Variants in FBXW7 observed in about 807,000 individuals in gnomAD.
FBXW7 encodes the protein F-box and WD repeat domain containing 7.
Under a neutral mutation model 86.3 loss-of-function variants are expected in FBXW7, and 11 were observed. That is an observed-to-expected ratio of 0.13 (90% confidence interval 0.08 to 0.21). The LOEUF is 0.21. Among genes scored for constraint, FBXW7 ranks in the 10% least tolerant of loss-of-function variants. The probability of loss-of-function intolerance (pLI) is 1.00; values close to 1 mark genes in which losing one functional copy is unlikely to be tolerated. For missense variants in FBXW7, 488 were observed against 847.4 expected (o/e 0.58, Z 5.27); for synonymous variants, 313 against 297.9 (o/e 1.05, Z -0.52).
At chr4:152,393,175 A>G (rs557090279) in intron 4 of FBXW7, among the ~76,000 whole-genome samples, 1 of 152,268 alleles carries the variant, frequency 6.6e-6, no homozygotes, top group South Asian at 2.1e-4. Context: ...AAGAAGGTGA[A>G]AAAAATCAAT....
chr4:152,344,517 T>C (rs574024767), intron 6 of FBXW7, among the ~76,000 whole-genome samples: 6 of 152,024 alleles, frequency 3.9e-5, no homozygotes, highest in Admixed American at 1.3e-4. Context: ...TAACATTCTT[T>C]AGCTTATTGA....
intron 2 of FBXW7, among the ~76,000 whole-genome samples, chr4:152,451,147 A>G (rs1427528983): frequency 6.6e-6 from 1 of 152,242 alleles, no homozygotes; most frequent in Admixed American, 6.5e-5. Context: ...AAAAGTTTAT[A>G]ATTAACTTTG....
intron 4 of FBXW7, among the ~76,000 whole-genome samples, chr4:152,376,018 G>C (rs1424730033): frequency 6.6e-6 from 1 of 151,992 alleles, no homozygotes; most frequent in Non-Finnish European, 1.5e-5. Context: ...AATACTAGCA[G>C]TATATTAAAA....
intron 2 of FBXW7, among the ~76,000 whole-genome samples, chr4:152,413,616 C>T (rs1400444335): frequency 1.3e-5 from 2 of 152,050 alleles, no homozygotes; most frequent in Admixed American, 1.3e-4. Context: ...GAATATTATT[C>T]TCTAACACTG....
intron 2 of FBXW7, among the ~76,000 whole-genome samples, chr4:152,515,145 C>CTTT (rs1326699531): frequency 6.6e-6 from 1 of 152,152 alleles, no homozygotes; most frequent in Non-Finnish European, 1.5e-5. Context: ...TTTACCCCCA[C>CTTT]ACTGAAGGAA....
At chr4:152,335,643 T>A (rs1159924104) in intron 7 of FBXW7, among the ~76,000 whole-genome samples, 1 of 152,224 alleles carries the variant, frequency 6.6e-6, no homozygotes, top group Non-Finnish European at 1.5e-5. Context: ...ATAATTACCT[T>A]TTCCTTGTCC....
chr4:152,374,172 A>C (rs900777257), intron 4 of FBXW7, among the ~76,000 whole-genome samples: 1 of 151,934 alleles, frequency 6.6e-6, no homozygotes, highest in Admixed American at 6.6e-5. Context: ...CAAACCAAAA[A>C]AACCCCACCA....
At chr4:152,403,489 A>G (rs1436894767) in intron 4 of FBXW7, among the ~76,000 whole-genome samples, 1 of 152,048 alleles carries the variant, frequency 6.6e-6, no homozygotes, top group South Asian at 2.1e-4. Context: ...AAAAAAAAAA[A>G]AAAAGAATTG....
chr4:152,442,382 G>T (rs1258612448), intron 2 of FBXW7, among the ~76,000 whole-genome samples: 1 of 152,118 alleles, frequency 6.6e-6, no homozygotes, highest in African/African-American at 2.4e-5. Flanking sequence ...TTCCAAGATG[G>T]CTTCCCAAGT....
chr4:152,478,595 T>C (rs891404309), intron 2 of FBXW7, among the ~76,000 whole-genome samples: 2 of 152,100 alleles, frequency 1.3e-5, no homozygotes, highest in African/African-American at 2.4e-5. Context: ...AGTGAAATTG[T>C]TGGATGATAC....
chr4:152,401,973 A>G (rs2126843583), intron 4 of FBXW7, among the ~76,000 whole-genome samples: 1 of 152,292 alleles, frequency 6.6e-6, no homozygotes, highest in African/African-American at 2.4e-5. Flanking sequence ...TTCTTACCAG[A>G]TTGGAGGGAT....
At chr4:152,520,877 A>G (rs1748951237) in intron 2 of FBXW7, among the ~76,000 whole-genome samples, 1 of 152,214 alleles carries the variant, frequency 6.6e-6, no homozygotes, top group African/African-American at 2.4e-5. Context: ...GCAGAAGAAA[A>G]AAGTTCACAT....
At chr4:152,384,036 C>T (rs77939897) in intron 4 of FBXW7, among the ~76,000 whole-genome samples, 2 of 152,104 alleles carry the variant, frequency 1.3e-5, no homozygotes, top group Non-Finnish European at 2.9e-5. Flanking sequence ...CAAGCATGGG[C>T]TAGGATGTGG....
At chr4:152,382,518 T>C (rs1735184600) in intron 4 of FBXW7, 1 of 1,179,466 alleles carries the variant, frequency 8.5e-7, no homozygotes, top group Non-Finnish European at 1.0e-6. Context: ...TGTCTGAGGC[T>C]TGGTGAAGTG....
chr4:152,535,668 C>T lies in FBXW7; in HGVS notation c.-754G>A. ...ATGTGTCGCTGCGGCTGGGACCCCC[C>T]TCCCTACACCTTGGGGGTCTCGCCC... On this transcript the variant is annotated 5_prime_UTR_variant, in exon 1 of 14. Coordinates refer to ENST00000281708, the MANE Select transcript of FBXW7 (RefSeq NM_001349798.2). The T allele has an allele frequency of 2.5e-6, 1 of 396,350 alleles. No homozygotes were observed. The highest frequency in any genetic ancestry group is 4.5e-6 in the Non-Finnish European group (1 of 224,500). The allele number at this position is 396,350 out of a possible 1,614,324, so 24.6% of individuals were successfully genotyped here.
chr4:152,481,697 T>C lies in FBXW7; in HGVS notation c.-120+53244A>G, dbSNP rs998018526. On this transcript the variant is annotated intron_variant, in intron 2 of 13. Coordinates refer to ENST00000281708, the MANE Select transcript of FBXW7 (RefSeq NM_001349798.2). Reference sequence around the variant, plus strand: ...AGAAGTTGATCCCAACCCTCATGGATGTGAGGAGCTCAAGACTTCAGTGGA... The same window carrying C: ...AGAAGTTGATCCCAACCCTCATGGACGTGAGGAGCTCAAGACTTCAGTGGA... Among the ~76,000 whole-genome samples, 6 of 152,206 alleles carry C rather than the reference T, an allele frequency of 3.9e-5. No homozygotes were observed. In the East Asian group the frequency reaches 5.8e-4, roughly 15 times the overall value.
At chr4:152,445,437 C>A (rs147105403) in intron 2 of FBXW7, among the ~76,000 whole-genome samples, 3 of 152,110 alleles carry the variant, frequency 2.0e-5, no homozygotes, top group Non-Finnish European at 4.4e-5. Flanking sequence ...AAATCCGAAG[C>A]GCTTCAATGA....
intron 4 of FBXW7, among the ~76,000 whole-genome samples, chr4:152,376,649 T>C (rs1022756322): frequency 2.6e-5 from 4 of 152,136 alleles, no homozygotes; most frequent in African/African-American, 9.7e-5. Flanking sequence ...AAGAAAAACC[T>C]GAACCTAACA....
rs1429360681 is a variant in FBXW7, at chr4:152,525,519, T to G, written c.-120+9422A>C. On this transcript the variant is annotated intron_variant, in intron 2 of 13. Transcript: ENST00000281708. ...TCATTTTGTTCATAAGTTCTTACCA[T>G]TTAGCTCCCACTTATAAGTGAGAAC... Among the ~76,000 whole-genome samples, 5 of 152,320 alleles carry G rather than the reference T, an allele frequency of 3.3e-5. No individual in the cohort carries two copies. The East Asian group carries it at 7.7e-4, about 23-fold the overall frequency.
Sources: allele counts gnomAD v4.1 joint callset (sites outside exome capture counted in the v4.1 genomes callset), GRCh38; gene constraint gnomAD v4.1.1; transcripts MANE v1.5; gene names NCBI Gene and HGNC (gene_info 2026-07-23, HGNC 2026-07-21).